MAGI1: variants seen among roughly 807,000 people sequenced by gnomAD.
The protein encoded by MAGI1 is membrane associated guanylate kinase, WW and PDZ domain containing 1.
MAGI1 carries 58 observed loss-of-function variants against 139.9 expected under a neutral mutation model. The observed-to-expected ratio is 0.41, with a 90% CI of 0.34 to 0.52. MAGI1 has a LOEUF of 0.52. Among genes scored for constraint, MAGI1 ranks in the 20% least tolerant of loss-of-function variants. MAGI1 has a pLI of 0.12. For missense variants in MAGI1, 1,874 were observed against 1,901.6 expected (o/e 0.99, Z 0.27); for synonymous variants, 812 against 737.9 (o/e 1.10, Z -1.63).
intron 2 of MAGI1, among the ~76,000 whole-genome samples, chr3:65,494,668 A>T (rs1371824309): frequency 6.6e-6 from 1 of 152,206 alleles, no homozygotes; most frequent in Non-Finnish European, 1.5e-5. Context: ...ATATTTCCCT[A>T]TGTCTAGGAT....
chr3:65,613,238 A>G (rs964892878), intron 2 of MAGI1, among the ~76,000 whole-genome samples: 16 of 152,174 alleles, frequency 1.1e-4, no homozygotes, highest in African/African-American at 3.1e-4. Context: ...TACAGAATAC[A>G]GGACTGATAA....
At chr3:65,575,404 G>C (rs950913740) in intron 2 of MAGI1, among the ~76,000 whole-genome samples, 10 of 152,210 alleles carry the variant, frequency 6.6e-5, no homozygotes, top group Middle Eastern at 3.4e-3. Context: ...TGTGGAAGAA[G>C]TGAAACTCTC....
chr3:65,933,399 G>A lies in MAGI1; in HGVS notation c.313+104597C>T, dbSNP rs146041435. ...TTCACTAATATGGCTGCTGATGAGA[G>A]ACCCTGGTTCCATGCTACGTGGACC... On this transcript the variant is annotated intron_variant, in intron 1 of 22. Coordinates refer to ENST00000402939, the MANE Select transcript of MAGI1 (RefSeq NM_001033057.2). Among the ~76,000 whole-genome samples, 556 of 152,298 alleles carry A rather than the reference G, an allele frequency of 3.7e-3. 3 individuals carry two copies. Among genetic ancestry groups the A allele is most frequent in the African/African-American group, 0.013 (537 of 41,554 alleles).
chr3:65,459,794 T>C (rs143635239), intron 5 of MAGI1, among the ~76,000 whole-genome samples: 47 of 152,166 alleles, frequency 3.1e-4, no homozygotes, highest in African/African-American at 1.1e-3. Context: ...TGTAGTGGCA[T>C]GTACCTGTAG....
At chr3:65,477,568 C>T (rs1390149518) in intron 4 of MAGI1, among the ~76,000 whole-genome samples, 4 of 152,118 alleles carry the variant, frequency 2.6e-5, no homozygotes, top group African/African-American at 9.7e-5. Context: ...ACACTGTAGA[C>T]TGAAGTTACT....
At chr3:65,771,046 C>T (rs1577062537) in intron 1 of MAGI1, among the ~76,000 whole-genome samples, 1 of 151,892 alleles carries the variant, frequency 6.6e-6, no homozygotes, top group Non-Finnish European at 1.5e-5. Flanking sequence ...ACAGATTACA[C>T]CTGTAATCCC....
chr3:65,783,521 C>T (rs561886137), intron 1 of MAGI1, among the ~76,000 whole-genome samples: 5 of 152,138 alleles, frequency 3.3e-5, no homozygotes, highest in African/African-American at 1.2e-4. Context: ...GACAGGGTCT[C>T]ACTCTGTCAC....
chr3:65,408,445 G>A (rs1052878727), intron 12 of MAGI1, among the ~76,000 whole-genome samples: 1 of 152,142 alleles, frequency 6.6e-6, no homozygotes, highest in African/African-American at 2.4e-5. Context: ...TTATTTGTTG[G>A]GGGTAGTAGG....
intron 6 of MAGI1, among the ~76,000 whole-genome samples, chr3:65,451,964 T>C (rs1041897888): frequency 1.3e-5 from 2 of 152,116 alleles, no homozygotes; most frequent in East Asian, 1.9e-4. Flanking sequence ...TTGGAGCATT[T>C]TGGACTTCAA....
At chr3:65,643,212 G>C (rs977810435) in intron 1 of MAGI1, among the ~76,000 whole-genome samples, 1 of 151,980 alleles carries the variant, frequency 6.6e-6, no homozygotes, top group South Asian at 2.1e-4. Context: ...CTCAGTTCAG[G>C]GTCCCTTAGA....
intron 1 of MAGI1, among the ~76,000 whole-genome samples, chr3:65,761,548 CTG>C (rs1242811359): frequency 6.6e-6 from 1 of 152,158 alleles, no homozygotes; most frequent in African/African-American, 2.4e-5. Context: ...GCTTTTATGT[CTG>C]TCTCTTTTCT....
intron 14 of MAGI1, chr3:65,387,040 C>A: frequency 1.8e-5 from 18 of 991,772 alleles, no homozygotes; most frequent in Middle Eastern, 2.1e-4. Context: ...CCCCTTTTTT[C>A]TTCCCTCTCT....
intron 2 of MAGI1, among the ~76,000 whole-genome samples, chr3:65,535,635 G>C (rs1025944491): frequency 1.3e-5 from 2 of 152,196 alleles, no homozygotes; most frequent in Non-Finnish European, 1.5e-5. Context: ...TCTTCTAATG[G>C]AATGAAACTA....
intron 1 of MAGI1, among the ~76,000 whole-genome samples, chr3:65,686,425 G>A (rs1167226070): frequency 3.3e-5 from 5 of 152,144 alleles, no homozygotes; most frequent in African/African-American, 1.2e-4. Flanking sequence ...CTGAGTAGCT[G>A]AGACTGCAGG....
rs374547592 is a variant in MAGI1 at position 65,566,648 on chromosome 3, G to A, written c.430+55324C>T. ...TTTGTTTGTTTGTTTGTTTGTTTTGGAATGTGGATCATATAATTGTGTCCA... is the reference window on the plus strand; with the variant it reads ...TTTGTTTGTTTGTTTGTTTGTTTTGAAATGTGGATCATATAATTGTGTCCA... On this transcript the variant is annotated intron_variant, in intron 2 of 22. Coordinates refer to ENST00000402939, the MANE Select transcript of MAGI1 (RefSeq NM_001033057.2). Among the ~76,000 whole-genome samples, 53 of 151,116 alleles carry A rather than the reference G, an allele frequency of 3.5e-4. 1 individual carries two copies. In the South Asian group the frequency reaches 0.011, roughly 31 times the overall value.
chr3:65,651,018 T>C (rs2085546352), intron 1 of MAGI1, among the ~76,000 whole-genome samples: 1 of 152,114 alleles, frequency 6.6e-6, no homozygotes, highest in Admixed American at 6.6e-5. Flanking sequence ...ACCAAAAAAA[T>C]TGTTTCTTTA....
chr3:65,509,451 CCG>C (rs2077462128), intron 2 of MAGI1, among the ~76,000 whole-genome samples: 1 of 152,168 alleles, frequency 6.6e-6, no homozygotes, highest in South Asian at 2.1e-4. Flanking sequence ...GGTGCGCGTA[CCG>C]TGCGCAAGCC....
At chr3:65,674,735 G>A (rs781338749) in intron 1 of MAGI1, among the ~76,000 whole-genome samples, 11 of 152,094 alleles carry the variant, frequency 7.2e-5, no homozygotes, top group African/African-American at 1.4e-4. Flanking sequence ...TATGCAACCC[G>A]CTGTATAATT....
chr3:65,508,871 T>G (rs1286478519), intron 2 of MAGI1, among the ~76,000 whole-genome samples: 1 of 152,230 alleles, frequency 6.6e-6, no homozygotes, highest in African/African-American at 2.4e-5. Context: ...TCCATCTGAT[T>G]TGTCATCCCT....
Sources: allele counts gnomAD v4.1 joint callset (sites outside exome capture counted in the v4.1 genomes callset), GRCh38; gene constraint gnomAD v4.1.1; transcripts MANE v1.5; gene names NCBI Gene and HGNC (gene_info 2026-07-23, HGNC 2026-07-21).